The following GRM7 variants were observed in gnomAD, a reference collection of about 807,000 sequenced individuals.
The protein encoded by GRM7 is glutamate metabotropic receptor 7, also known as metabotropic glutamate receptor 7.
In GRM7, 35 loss-of-function variants were observed where a neutral mutation model predicts 84.5. The observed-to-expected ratio is 0.41, with a 90% CI of 0.32 to 0.55. GRM7 has a LOEUF of 0.55. Among genes scored for constraint, GRM7 ranks in the 20% least tolerant of loss-of-function variants. The probability of loss-of-function intolerance (pLI) is 0.19; values close to 1 mark genes in which losing one functional copy is unlikely to be tolerated. For missense variants in GRM7, 1,003 were observed against 1,194.6 expected (o/e 0.84, Z 2.36); for synonymous variants, 487 against 455.1 (o/e 1.07, Z -0.89).
chr3:7,677,288 A>C (rs962902011), intron 8 of GRM7, among the ~76,000 whole-genome samples: 11 of 145,446 alleles, frequency 7.6e-5, no homozygotes, highest in African/African-American at 2.5e-4. Flanking sequence ...AAAAAAAAAA[A>C]AAAAAACTTA....
In GRM7 at chr3:7,151,646, A is replaced by G. The variant is rs1462882555; in HGVS notation, c.736+4978A>G. On this transcript the variant is annotated intron_variant, in intron 2 of 9. Transcript: ENST00000357716. The surrounding 1 kb of genome is among the most constrained non-coding windows in gnomAD (Gnocchi z 4.5). ...ATTCCTAGTACATAGAAAGCAGTCA[A>G]TCATTATTTCTTAACAGAAGGAAGA... 6.6e-6 allele frequency among the ~76,000 whole-genome samples: 1 copy of G among 152,156 alleles called. No individual in the cohort carries two copies. Among genetic ancestry groups the G allele is most frequent in the African/African-American group, 2.4e-5 (1 of 41,434 alleles).
intron 8 of GRM7, among the ~76,000 whole-genome samples, chr3:7,584,122 TA>T (rs1366236577): frequency 6.6e-6 from 1 of 152,152 alleles, no homozygotes; most frequent in Admixed American, 6.5e-5. Context: ...TATTACTCGT[TA>T]AAAAGTGAGG....
rs1694781817 is a variant in GRM7, at chr3:6,862,312, A to G, written c.519+405A>G. On this transcript the variant is annotated intron_variant, in intron 1 of 9. Transcript: ENST00000357716. The surrounding 1 kb of genome is among the most constrained non-coding windows in gnomAD (Gnocchi z 5.2). ...ATGAGACGATGCCTGGAAACCGGGCATTTCCCAACTCCCCAGCTTCCCACC... is the reference window on the plus strand; with the variant it reads ...ATGAGACGATGCCTGGAAACCGGGCGTTTCCCAACTCCCCAGCTTCCCACC... 6.6e-6 allele frequency among the ~76,000 whole-genome samples: 1 copy of G among 152,010 alleles called. No homozygotes were observed. The highest frequency in any genetic ancestry group is 2.4e-5 in the African/African-American group (1 of 41,406).
At chr3:6,885,466 C>T (rs1386479193) in intron 1 of GRM7, among the ~76,000 whole-genome samples, 1 of 152,148 alleles carries the variant, frequency 6.6e-6, no homozygotes. Context: ...CAATGATAAA[C>T]CAAGATGGCA....
At chr3:7,411,874 GC>G (rs1282703263) in intron 4 of GRM7, among the ~76,000 whole-genome samples, 1 of 152,010 alleles carries the variant, frequency 6.6e-6, no homozygotes, top group East Asian at 1.9e-4. Flanking sequence ...GATAATGCTG[GC>G]CTATTTTTTA....
rs114583137 is a variant in GRM7 at position 7,357,700 on chromosome 3, T to G, written c.1033+51048T>G. ...GGCATGCCCCTTGCAGCTCATCACATTCCCTGTCCTTTATGACCTCCCTGA... is the reference window on the plus strand; with the variant it reads ...GGCATGCCCCTTGCAGCTCATCACAGTCCCTGTCCTTTATGACCTCCCTGA... On this transcript the variant is annotated intron_variant, in intron 4 of 9. Transcript: ENST00000357716. 6.2e-3 allele frequency among the ~76,000 whole-genome samples: 937 copies of G among 152,244 alleles called. 6 individuals are homozygous for G. The highest frequency in any genetic ancestry group is 0.021 in the African/African-American group (883 of 41,574).
At chr3:7,477,673 G>A (rs1431481432) in intron 7 of GRM7, among the ~76,000 whole-genome samples, 5 of 152,082 alleles carry the variant, frequency 3.3e-5, no homozygotes, top group Admixed American at 6.6e-5. Context: ...TGATCAACGC[G>A]AAGAAACATC....
At chr3:7,041,044 C>A (rs1247905153) in intron 1 of GRM7, among the ~76,000 whole-genome samples, 1 of 147,118 alleles carries the variant, frequency 6.8e-6, no homozygotes, top group Non-Finnish European at 1.5e-5. Flanking sequence ...CGTGCCACTG[C>A]ACTCCAGCCT....
At position 6,862,258 on chromosome 3, in the gene GRM7, G is replaced by T. The variant is rs1053499440; in HGVS notation, c.519+351G>T. Among the ~76,000 whole-genome samples the T allele has an allele frequency of 6.6e-6, 1 of 152,038 alleles. No homozygotes were observed. Among genetic ancestry groups the T allele is most frequent in the South Asian group, 2.1e-4 (1 of 4,814 alleles). ...TCGTAAAAGTGCCAGGCTCCTAGGA[G>T]AGCTGGTTAGGAGAATGGAATAGGA... On this transcript the variant is annotated intron_variant, in intron 1 of 9. Coordinates refer to ENST00000357716, the MANE Select transcript of GRM7 (RefSeq NM_000844.4). The surrounding 1 kb of genome is among the most constrained non-coding windows in gnomAD (Gnocchi z 5.2).
Position 7,452,762 on chromosome 3 carries a change from G to C in GRM7, c.1330G>C (p.Gly444Arg). 3 of 1,613,400 alleles carry C rather than the reference G, an allele frequency of 1.9e-6. No homozygotes were observed. The highest frequency in any genetic ancestry group is 2.5e-6 in the Non-Finnish European group (3 of 1,179,560). ...TGTCTGCCCAGAGATGGAGCAAGCT[G>C]GAGGCAAGAAGTTGCTGAAGTATAT... ...RGVCPEMEQAGGKKLLKYIRN... is the reference protein window; with the variant it reads ...RGVCPEMEQARGKKLLKYIRN... Residue 444 changes from glycine to arginine, a missense_variant, in exon 6 of 10, where the codon GGA becomes CGA. Physicochemically the swap from Gly to Arg is moderately radical, Grantham distance 125. This residue lies in a region of GRM7 where 910 missense variants were observed against 1,126.0 expected (regional missense o/e 0.81). Coordinates refer to ENST00000357716, the MANE Select transcript of GRM7 (RefSeq NM_000844.4).
At chr3:7,667,060 G>A (rs907866304) in intron 8 of GRM7, among the ~76,000 whole-genome samples, 1 of 152,002 alleles carries the variant, frequency 6.6e-6, no homozygotes, top group Non-Finnish European at 1.5e-5. Context: ...AAACATCAGA[G>A]TTTGAAGTCA....
At chr3:7,464,042 G>A (rs1559341060) in intron 7 of GRM7, among the ~76,000 whole-genome samples, 1 of 152,284 alleles carries the variant, frequency 6.6e-6, no homozygotes, top group African/African-American at 2.4e-5. Context: ...TCAAACTTCA[G>A]TGTGCCTCAG....
At chr3:7,724,179 G>A (rs966200913) in intron 9 of GRM7, among the ~76,000 whole-genome samples, 6 of 152,154 alleles carry the variant, frequency 3.9e-5, no homozygotes, top group Non-Finnish European at 7.3e-5. Flanking sequence ...ATGCCTGCCT[G>A]TATTAACCAC....
chr3:7,610,550 T>G (rs779734154), intron 8 of GRM7, among the ~76,000 whole-genome samples: 10 of 152,166 alleles, frequency 6.6e-5, no homozygotes, highest in African/African-American at 2.4e-4. Flanking sequence ...AATTTAACAA[T>G]TTTGGAGGGA....
chr3:7,723,714 G>A (rs749901978), intron 9 of GRM7, among the ~76,000 whole-genome samples: 15 of 152,046 alleles, frequency 9.9e-5, no homozygotes, highest in Non-Finnish European at 1.8e-4. Flanking sequence ...GTCAGGCATG[G>A]TGGCGTGCAC....
At chr3:7,460,857 A>G (rs73117425) in intron 6 of GRM7, among the ~76,000 whole-genome samples, 2,583 of 152,334 alleles carry the variant, frequency 0.017, 75 homozygotes, top group African/African-American at 0.058. Flanking sequence ...AGATATAGAT[A>G]TAGGTATATA....
Position 7,103,816 on chromosome 3 carries a change from T to TTCTTTCTTTCTCTCTCTCTC in GRM7, c.520-42633_520-42632insTTCTTTCTCTCTCTCTCTCT, listed in dbSNP as rs1553617438. Among the ~76,000 whole-genome samples the TTCTTTCTTTCTCTCTCTCTC allele has an allele frequency of 7.2e-4, 64 of 89,110 alleles. 6 individuals are homozygous for TTCTTTCTTTCTCTCTCTCTC. The highest frequency in any genetic ancestry group is 2.7e-3 in the African/African-American group (57 of 20,768). 58.5% of individuals were successfully genotyped at this position (89,110 alleles called of 152,430 possible). A position where few individuals can be genotyped will look rare whatever the true frequency, so the allele number is the denominator to read the frequency against. On this transcript the variant is annotated intron_variant, in intron 1 of 9. Coordinates refer to ENST00000357716, the MANE Select transcript of GRM7 (RefSeq NM_000844.4). ...TTTCTTTCTTTCTTTCTTTCTTTCT[T>TTCTTTCTTTCTCTCTCTCTC]TCTCTCTCTCTCTGTCTCTCTCTCC...
At chr3:7,487,245 G>A (rs1162600209) in intron 7 of GRM7, among the ~76,000 whole-genome samples, 1 of 152,144 alleles carries the variant, frequency 6.6e-6, no homozygotes, top group African/African-American at 2.4e-5. Flanking sequence ...GTAATTTAAA[G>A]ACAAAGTTTA....
In GRM7 at chr3:6,862,887, G is replaced by T. The variant is rs949270767; in HGVS notation, c.519+980G>T. On this transcript the variant is annotated intron_variant, in intron 1 of 9. Transcript: ENST00000357716. This position sits in a 1 kb window ranked among gnomAD's most constrained non-coding sequence, Gnocchi z 5.2. ...TCCTGCTCCGGTGCCGGAGGGAGACGGAGAAAAAATGGGAGGAAGGCGGAT... is the reference window on the plus strand; with the variant it reads ...TCCTGCTCCGGTGCCGGAGGGAGACTGAGAAAAAATGGGAGGAAGGCGGAT... The T allele has an allele frequency of 2.4e-6, 1 of 412,510 alleles. No homozygotes were observed. The highest frequency in any genetic ancestry group is 8.0e-5 in the East Asian group (1 of 12,562). The allele number at this position is 412,510 out of a possible 1,614,324, so 25.6% of individuals were successfully genotyped here.
Sources: allele counts gnomAD v4.1 joint callset (sites outside exome capture counted in the v4.1 genomes callset), GRCh38; gene constraint gnomAD v4.1.1; regional missense constraint gnomAD v4.1.1; non-coding constraint Gnocchi (gnomAD v3.1); transcripts MANE v1.5; gene names NCBI Gene and HGNC (gene_info 2026-07-23, HGNC 2026-07-21).